The following PIK3CA variants were observed in gnomAD, a reference collection of about 807,000 sequenced individuals.
The protein encoded by PIK3CA is phosphatidylinositol 4,5-bisphosphate 3-kinase catalytic subunit alpha isoform.
PIK3CA carries 27 observed loss-of-function variants against 138.2 expected under a neutral mutation model. The observed-to-expected ratio is 0.20, with a 90% CI of 0.14 to 0.27. The LOEUF (loss-of-function observed/expected upper bound fraction) is 0.27. Among genes scored for constraint, PIK3CA ranks in the 10% least tolerant of loss-of-function variants. The probability of loss-of-function intolerance (pLI) is 1.00; values close to 1 mark genes in which losing one functional copy is unlikely to be tolerated. For missense variants in PIK3CA, 544 were observed against 1,277.4 expected (o/e 0.43, Z 8.75); for synonymous variants, 358 against 413.2 (o/e 0.87, Z 1.62).
chr3:179,220,437 T>C lies in PIK3CA; in HGVS notation c.2015+385T>C, dbSNP rs561902233. On this transcript the variant is annotated intron_variant, in intron 13 of 20. Coordinates refer to ENST00000263967, the MANE Select transcript of PIK3CA (RefSeq NM_006218.4). The surrounding 1 kb of genome is among the most constrained non-coding windows in gnomAD (Gnocchi z 4.1). Reference sequence around the variant, plus strand: ...AATGTCAAACTCCCGTGGTTCTTACTGAAAAACAAGCTAATTAAGAATAAA... The same window carrying C: ...AATGTCAAACTCCCGTGGTTCTTACCGAAAAACAAGCTAATTAAGAATAAA... Among the ~76,000 whole-genome samples, 38 of 152,292 alleles carry C rather than the reference T, an allele frequency of 2.5e-4. No individual in the cohort carries two copies. Among genetic ancestry groups the C allele is most frequent in the African/African-American group, 8.2e-4 (34 of 41,578 alleles).
chr3:179,237,431 G>T lies in PIK3CA; in HGVS notation c.*3067G>T. ...ATAATGAATTGTAAAATATTTTAAT[G>T]TGTAACTTTTTCAACTGTGAAACTG... On this transcript the variant is annotated 3_prime_UTR_variant, in exon 21 of 21. Coordinates refer to ENST00000263967, the MANE Select transcript of PIK3CA (RefSeq NM_006218.4). The T allele has an allele frequency of 5.0e-6, 1 of 199,348 alleles. No individual in the cohort carries two copies. The allele number at this position is 199,348 out of a possible 1,614,324, so 12.3% of individuals were successfully genotyped here.
chr3:179,169,232 C>G (rs1723491276), intron 1 of PIK3CA: 1 of 152,198 alleles, frequency 6.6e-6, no homozygotes, highest in Admixed American at 6.5e-5. Context: ...CTAGACCTTT[C>G]TCTCCCCCTG....
At chr3:179,195,479 A>G (rs975023033) in intron 1 of PIK3CA, among the ~76,000 whole-genome samples, 9 of 152,098 alleles carry the variant, frequency 5.9e-5, no homozygotes, top group African/African-American at 1.9e-4. Context: ...AGTAGATGCC[A>G]TTATTATCCC....
At chr3:179,202,362 G>A (rs543574208) in intron 4 of PIK3CA, among the ~76,000 whole-genome samples, 15 of 152,256 alleles carry the variant, frequency 9.9e-5, no homozygotes, top group East Asian at 1.9e-4. Flanking sequence ...GAGCCATTGC[G>A]CCCAGCCTAT....
intron 1 of PIK3CA, among the ~76,000 whole-genome samples, chr3:179,171,195 A>G (rs1457018980): frequency 6.6e-6 from 1 of 152,196 alleles, no homozygotes; most frequent in Non-Finnish European, 1.5e-5. Context: ...TGAGTAACCC[A>G]TGGGTGAAAA....
chr3:179,195,125 AAG>A (rs982311042), intron 1 of PIK3CA, among the ~76,000 whole-genome samples: 1 of 151,908 alleles, frequency 6.6e-6, no homozygotes, highest in African/African-American at 2.4e-5. Context: ...GGGGAACTGG[AAG>A]CAGCTGGGAA....
Position 179,239,099 on chromosome 3 carries a change from G to GA in PIK3CA, c.*4742dup, listed in dbSNP as rs1250228100. 9.3e-6 allele frequency: 2 copies of GA among 215,598 alleles called. No individual in the cohort carries two copies. Among genetic ancestry groups the GA allele is most frequent in the Non-Finnish European group, 9.3e-6 (1 of 107,078 alleles). 13.4% of individuals were successfully genotyped at this position (215,598 alleles called of 1,614,324 possible). A position where few individuals can be genotyped will look rare whatever the true frequency, so the allele number is the denominator to read the frequency against. The stretch of plus-strand genomic sequence containing the variant: ...ACTACATATAAGAGTTTTAGTGGAG[G>GA]AAAAAAATTAGTCCCTTGTGCGTAT... On this transcript the variant is annotated 3_prime_UTR_variant, in exon 21 of 21. Transcript: ENST00000263967.
At chr3:179,199,562 T>C (rs1181436567) in intron 2 of PIK3CA, 128 bp from the exon 3 acceptor site, 2 of 608,526 alleles carry the variant, frequency 3.3e-6, no homozygotes, top group Non-Finnish European at 5.5e-6. Flanking sequence ...AAATTTGTTT[T>C]AACCTAGCGG....
At position 179,237,177 on chromosome 3, in the gene PIK3CA, T is replaced by C. The variant is rs1207839462; in HGVS notation, c.*2813T>C. 1 of 196,052 alleles carries C rather than the reference T, an allele frequency of 5.1e-6. No homozygotes were observed. Among genetic ancestry groups the C allele is most frequent in the Non-Finnish European group, 1.1e-5 (1 of 94,464 alleles). 12.1% of individuals were successfully genotyped at this position (196,052 alleles called of 1,614,324 possible). A position where few individuals can be genotyped will look rare whatever the true frequency, so the allele number is the denominator to read the frequency against. On this transcript the variant is annotated 3_prime_UTR_variant, in exon 21 of 21. Coordinates refer to ENST00000263967, the MANE Select transcript of PIK3CA (RefSeq NM_006218.4). The stretch of plus-strand genomic sequence containing the variant: ...GAAGATTTTTAGACTACTGTTAATT[T>C]GAAATCTGTTACTCTTATTGTGGAA...
At chr3:179,226,574 G>A (rs1725088453) in intron 17 of PIK3CA, among the ~76,000 whole-genome samples, 1 of 151,920 alleles carries the variant, frequency 6.6e-6, no homozygotes, top group South Asian at 2.1e-4. Flanking sequence ...TACCTGACTT[G>A]TCTTTTTGCA....
intron 17 of PIK3CA, among the ~76,000 whole-genome samples, chr3:179,227,744 G>A (rs1160797342): frequency 6.6e-6 from 1 of 152,056 alleles, no homozygotes; most frequent in Admixed American, 6.6e-5. Context: ...AACAGAGCAA[G>A]GAAAACCAAA....
chr3:179,207,227 A>G (rs1020304276), intron 6 of PIK3CA, among the ~76,000 whole-genome samples: 2 of 152,160 alleles, frequency 1.3e-5, no homozygotes, highest in African/African-American at 2.4e-5. Context: ...ATGCTTTATG[A>G]TTTCTTTGTA....
In PIK3CA at chr3:179,233,878, T is replaced by C. The variant is rs72561479; in HGVS notation, c.2937-216T>C. On this transcript the variant is annotated intron_variant, in intron 20 of 20. Coordinates refer to ENST00000263967, the MANE Select transcript of PIK3CA (RefSeq NM_006218.4). The stretch of plus-strand genomic sequence containing the variant: ...CAGGCATTGTTGTAGGTGCTGGTAA[T>C]AAAGCAGTTTTTAAAAAGTCCTTAT... Among the ~76,000 whole-genome samples the C allele has an allele frequency of 7.6e-3, 1,150 of 152,282 alleles. 17 individuals are homozygous for C. Among genetic ancestry groups the C allele is most frequent in the African/African-American group, 0.026 (1,069 of 41,576 alleles).
intron 14 of PIK3CA, among the ~76,000 whole-genome samples, chr3:179,221,978 AAT>A: frequency 6.6e-6 from 1 of 151,872 alleles, no homozygotes; most frequent in East Asian, 1.9e-4. Flanking sequence ...AAAGTGCTGG[AAT>A]TACAGGCATG....
Position 179,234,143 on chromosome 3 carries a change from A to C in PIK3CA, c.2986A>C (p.Asn996His), listed in dbSNP as rs2108429159. The stretch of plus-strand genomic sequence containing the variant: ...TTATCTAGCTATTCGACAGCATGCC[A>C]ATCTCTTCATAAATCTTTTCTCAAT... ...KAYLAIRQHA[N>H]LFINLFSMML... The change falls in exon 21 of 21, where the codon AAT becomes CAT. Residue 996 changes from asparagine to histidine, a missense_variant. Coordinates refer to ENST00000263967, the MANE Select transcript of PIK3CA (RefSeq NM_006218.4). This position sits in a 1 kb window ranked among gnomAD's most constrained non-coding sequence, Gnocchi z 5.1. 1 of 1,612,850 alleles carries C rather than the reference A, an allele frequency of 6.2e-7. No homozygotes were observed. The highest frequency in any genetic ancestry group is 8.5e-7 in the Non-Finnish European group (1 of 1,178,960).
At chr3:179,232,962 A>G (rs535310970) in intron 20 of PIK3CA, among the ~76,000 whole-genome samples, 3 of 152,094 alleles carry the variant, frequency 2.0e-5, no homozygotes, top group East Asian at 1.9e-4. Flanking sequence ...GGTTTAAGCA[A>G]TTCTCCTGCC....
chr3:179,162,285 G>A (rs1305240685), intron 1 of PIK3CA, among the ~76,000 whole-genome samples: 1 of 151,948 alleles, frequency 6.6e-6, no homozygotes, highest in African/African-American at 2.4e-5. Flanking sequence ...TGCATTTTAA[G>A]GATAATTTCT....
chr3:179,157,072 TTAGACAC>T (rs1332277966), intron 1 of PIK3CA, among the ~76,000 whole-genome samples: 1 of 152,110 alleles, frequency 6.6e-6, no homozygotes, highest in East Asian at 1.9e-4. Flanking sequence ...AATATTGAAA[TTAGACAC>T]TACTTACAAA....
chr3:179,191,312 A>T (rs1436882333), intron 1 of PIK3CA, among the ~76,000 whole-genome samples: 10 of 152,088 alleles, frequency 6.6e-5, no homozygotes, highest in Non-Finnish European at 1.2e-4. Flanking sequence ...CCACAAAACT[A>T]TTTTTTTCTG....
Sources: gnomAD v4.1 joint callset for allele counts (sites outside exome capture counted in the v4.1 genomes callset) on GRCh38, gnomAD v4.1.1 for gene constraint, Gnocchi (gnomAD v3.1) non-coding constraint, MANE v1.5 for transcripts, NCBI Gene and HGNC (gene_info 2026-07-23, HGNC 2026-07-21) for gene names.